EYS: variants seen among roughly 807,000 people sequenced by gnomAD.
EYS encodes EGF-like photoreceptor maintenance factor.
In EYS, 250 loss-of-function variants were observed where a neutral mutation model predicts 282.1. The observed-to-expected ratio is 0.89, with a 90% CI of 0.80 to 0.98. EYS has a LOEUF of 0.98. Ranked by LOEUF, EYS falls within the 50% of genes least tolerant of loss-of-function variation. EYS has a pLI of 0.00. For synonymous variants in EYS, 1,355 were observed against 1,282.9 expected (o/e 1.06, Z -1.20); for missense variants, 4,016 against 3,709.0 (o/e 1.08, Z -2.15).
chr6:63,992,754 G>T (rs909782872), intron 34 of EYS, among the ~76,000 whole-genome samples: 1 of 151,770 alleles, frequency 6.6e-6, no homozygotes, highest in East Asian at 1.9e-4. Flanking sequence ...ATTCACTTTA[G>T]ATTTAAGGAT....
intron 8 of EYS, among the ~76,000 whole-genome samples, chr6:65,367,623 C>T (rs1037996924): frequency 9.3e-5 from 14 of 151,106 alleles, no homozygotes; most frequent in South Asian, 2.1e-4. Context: ...ACAAAAGTTC[C>T]GCTGAAAAAA....
intron 17 of EYS, 31 bp from the exon 18 acceptor site, chr6:64,902,251 A>G: frequency 7.0e-7 from 1 of 1,437,464 alleles, no homozygotes; most frequent in Non-Finnish European, 9.5e-7. Context: ...TAACTCCATT[A>G]GTATATATGT....
At chr6:64,477,925 C>T (rs3904796) in intron 26 of EYS, among the ~76,000 whole-genome samples, 45,529 of 151,860 alleles carry the variant, frequency 0.3, 6,882 homozygotes, top group East Asian at 0.47. Context: ...AATCCATAGT[C>T]TTTCCATCTC....
In EYS at chr6:65,537,555, A is replaced by AAG. The variant is rs3049760; in HGVS notation, c.-332-41564_-332-41563dup. ...ATATATTTATATATACAGAGAGAGA[A>AAG]AGAGAGAGAGATCTGGGAGGATAAA... On this transcript the variant is annotated intron_variant, in intron 2 of 42. Transcript: ENST00000503581. Among the ~76,000 whole-genome samples, 157 of 151,348 alleles carry AAG rather than the reference A, an allele frequency of 1.0e-3. 1 individual carries two copies. The highest frequency in any genetic ancestry group is 2.0e-3 in the Non-Finnish European group (134 of 67,842).
chr6:64,443,682 A>C (rs909807611), intron 26 of EYS, among the ~76,000 whole-genome samples: 1 of 152,132 alleles, frequency 6.6e-6, no homozygotes, highest in Non-Finnish European at 1.5e-5. Flanking sequence ...TAAAAACAAG[A>C]GTTTCTCTCT....
rs149738617 is a variant in EYS at position 63,882,855 on chromosome 6, G to A, written c.7056-18497C>T. Among the ~76,000 whole-genome samples, 1,108 of 152,214 alleles carry A rather than the reference G, an allele frequency of 7.3e-3. 6 individuals are homozygous for A. The highest frequency in any genetic ancestry group is 0.01 in the Non-Finnish European group (697 of 68,012). On this transcript the variant is annotated intron_variant, in intron 35 of 42. Transcript: ENST00000503581. Reference sequence around the variant, plus strand: ...TATGAATGCTAAGATATGAGAGAAAGTCTGACATAGTTCAGGACTGGAAAG... The same window carrying A: ...TATGAATGCTAAGATATGAGAGAAAATCTGACATAGTTCAGGACTGGAAAG...
rs1234788291 is a variant in EYS at position 64,766,302 on chromosome 6, T to C, written c.3443+47076A>G. Among the ~76,000 whole-genome samples the C allele has an allele frequency of 3.3e-5, 5 of 151,714 alleles. No homozygotes were observed. In the East Asian group the frequency reaches 9.8e-4, roughly 30 times the overall value. Reference sequence around the variant, plus strand: ...TCCTTTTTTCTTTCTCTCTCCTTTATTCTTTCTTTCTCTATTTATTTATAT... The same window carrying C: ...TCCTTTTTTCTTTCTCTCTCCTTTACTCTTTCTTTCTCTATTTATTTATAT... On this transcript the variant is annotated intron_variant, in intron 22 of 42. Coordinates refer to ENST00000503581, the MANE Select transcript of EYS (RefSeq NM_001142800.2).
intron 28 of EYS, among the ~76,000 whole-genome samples, chr6:64,426,693 G>A (rs1190543827): frequency 6.6e-6 from 1 of 152,094 alleles, no homozygotes; most frequent in Non-Finnish European, 1.5e-5. Context: ...GGATAGAATT[G>A]GATCAAGTCC....
intron 5 of EYS, among the ~76,000 whole-genome samples, chr6:65,463,936 A>G (rs1764905482): frequency 6.6e-6 from 1 of 152,144 alleles, no homozygotes; most frequent in South Asian, 2.1e-4. Flanking sequence ...ATGGTATATA[A>G]TTTTAATATA....
At chr6:63,820,047 C>T (rs1771281791) in intron 36 of EYS, among the ~76,000 whole-genome samples, 1 of 152,206 alleles carries the variant, frequency 6.6e-6, no homozygotes, top group Admixed American at 6.5e-5. Flanking sequence ...TCTTGCATCA[C>T]AGCCATTTCC....
chr6:65,191,691 C>T (rs1765645624), intron 12 of EYS, among the ~76,000 whole-genome samples: 1 of 151,782 alleles, frequency 6.6e-6, no homozygotes, highest in South Asian at 2.1e-4. Flanking sequence ...TCAGCTTGTA[C>T]ATTACTCTGG....
At chr6:65,388,451 G>A (rs949512825) in intron 7 of EYS, among the ~76,000 whole-genome samples, 4 of 151,980 alleles carry the variant, frequency 2.6e-5, no homozygotes, top group African/African-American at 7.2e-5. Flanking sequence ...GCTGTGTCAG[G>A]ATCAACAGGA....
intron 35 of EYS, among the ~76,000 whole-genome samples, chr6:63,885,715 G>A (rs1011722749): frequency 5.9e-5 from 9 of 152,128 alleles, no homozygotes; most frequent in Non-Finnish European, 8.8e-5. Flanking sequence ...TGGGAACTGA[G>A]TGAGTTCCTA....
At chr6:64,218,999 T>C (rs1042198547) in intron 31 of EYS, among the ~76,000 whole-genome samples, 2 of 152,010 alleles carry the variant, frequency 1.3e-5, no homozygotes, top group African/African-American at 4.8e-5. Flanking sequence ...TAAAGAGAGT[T>C]TGCAGGATAT....
At chr6:64,365,625 G>A (rs1434332521) in intron 29 of EYS, among the ~76,000 whole-genome samples, 2 of 151,868 alleles carry the variant, frequency 1.3e-5, no homozygotes, top group East Asian at 1.9e-4. Flanking sequence ...CTTATTCATG[G>A]GTGATATGGT....
chr6:64,101,566 A>G (rs1240349292), intron 31 of EYS, among the ~76,000 whole-genome samples: 1 of 152,194 alleles, frequency 6.6e-6, no homozygotes, highest in African/African-American at 2.4e-5. Context: ...CAACAAAAAA[A>G]AAATGATTTT....
chr6:64,249,651 T>C (rs1277915533), intron 30 of EYS, among the ~76,000 whole-genome samples: 5 of 152,126 alleles, frequency 3.3e-5, no homozygotes, highest in Admixed American at 2.0e-4. Context: ...TAGTAATCAA[T>C]GGACTTGAAG....
chr6:63,884,939 A>G (rs1359834635), intron 35 of EYS, among the ~76,000 whole-genome samples: 1 of 151,976 alleles, frequency 6.6e-6, no homozygotes, highest in Admixed American at 6.6e-5. Context: ...TCTTCTTTGC[A>G]TTGGTCCTGT....
At chr6:65,116,815 C>G (rs921016511) in intron 12 of EYS, among the ~76,000 whole-genome samples, 5 of 152,158 alleles carry the variant, frequency 3.3e-5, no homozygotes, top group African/African-American at 1.2e-4. Flanking sequence ...ACAAAAATGA[C>G]AGTTACATTT....
Sources: allele counts gnomAD v4.1 joint callset (sites outside exome capture counted in the v4.1 genomes callset), GRCh38; gene constraint gnomAD v4.1.1; transcripts MANE v1.5; gene names NCBI Gene and HGNC (gene_info 2026-07-23, HGNC 2026-07-21).